The following MEIS1 variants were observed in gnomAD, a reference collection of about 807,000 sequenced individuals.
MEIS1 encodes the protein Meis homeobox 1.
MEIS1 carries 5 observed loss-of-function variants against 50.8 expected under a neutral mutation model. The observed-to-expected ratio is 0.10, with a 90% CI of 0.05 to 0.21. The LOEUF (loss-of-function observed/expected upper bound fraction) is 0.21. MEIS1 is among the 10% of genes least tolerant of loss of function. The pLI is 1.00. For missense variants in MEIS1, 318 were observed against 517.3 expected (o/e 0.61, Z 3.74); for synonymous variants, 176 against 179.3 (o/e 0.98, Z 0.15).
intron 6 of MEIS1, among the ~76,000 whole-genome samples, chr2:66,456,834 C>T (rs1174430529): frequency 6.6e-6 from 1 of 152,174 alleles, no homozygotes; most frequent in Non-Finnish European, 1.5e-5. Flanking sequence ...GCCTCAGGCA[C>T]CTACCACTAT....
intron 8 of MEIS1, among the ~76,000 whole-genome samples, chr2:66,538,682 C>T (rs1294976878): frequency 2.6e-5 from 4 of 152,110 alleles, no homozygotes; most frequent in Admixed American, 2.0e-4. Context: ...TATTAGTAGT[C>T]TACTAAAATG....
chr2:66,461,304 G>A (rs968338484), intron 6 of MEIS1, among the ~76,000 whole-genome samples: 1 of 152,148 alleles, frequency 6.6e-6, no homozygotes, highest in African/African-American at 2.4e-5. Context: ...GATTTGGGGG[G>A]AGTTCGTTCT....
intron 8 of MEIS1, among the ~76,000 whole-genome samples, chr2:66,528,388 A>T (rs1356445326): frequency 1.3e-5 from 2 of 152,120 alleles, no homozygotes; most frequent in Non-Finnish European, 2.9e-5. Flanking sequence ...CAAGGAAGGT[A>T]CAGTGGTAAG....
At chr2:66,549,743 G>A (rs1336631744) in intron 9 of MEIS1, among the ~76,000 whole-genome samples, 1 of 152,064 alleles carries the variant, frequency 6.6e-6, no homozygotes, top group Non-Finnish European at 1.5e-5. Flanking sequence ...AACGAAAAGC[G>A]CTGTCATTCA....
intron 7 of MEIS1, among the ~76,000 whole-genome samples, chr2:66,511,363 A>C (rs1673825936): frequency 6.6e-6 from 1 of 152,302 alleles, no homozygotes; most frequent in East Asian, 1.9e-4. Flanking sequence ...AAATCAATAG[A>C]AAAATAGGAT....
chr2:66,448,782 G>A (rs1339197625), intron 6 of MEIS1, among the ~76,000 whole-genome samples: 1 of 152,016 alleles, frequency 6.6e-6, no homozygotes, highest in Non-Finnish European at 1.5e-5. Flanking sequence ...GGACTAGCAG[G>A]GAAATGATCA....
chr2:66,446,619 G>T (rs1672154635), intron 6 of MEIS1, among the ~76,000 whole-genome samples: 1 of 152,220 alleles, frequency 6.6e-6, no homozygotes, highest in Non-Finnish European at 1.5e-5. Context: ...GCATTTAGCA[G>T]CTCCTGGGCG....
chr2:66,437,608 A>T, intron 1 of MEIS1, 129 bp from the exon 2 acceptor site: 2 of 761,252 alleles, frequency 2.6e-6, no homozygotes, highest in Non-Finnish European at 4.6e-6. Flanking sequence ...AGCTTTATAG[A>T]TGCAAGGCCA....
chr2:66,529,584 A>G (rs1298672111), intron 8 of MEIS1, among the ~76,000 whole-genome samples: 1 of 152,168 alleles, frequency 6.6e-6, no homozygotes, highest in Non-Finnish European at 1.5e-5. Flanking sequence ...CTGTAGGCAC[A>G]TGCCACCACA....
chr2:66,541,517 T>C (rs1228070162), intron 8 of MEIS1, among the ~76,000 whole-genome samples: 3 of 152,238 alleles, frequency 2.0e-5, no homozygotes, highest in Non-Finnish European at 4.4e-5. Flanking sequence ...GATTCCTACC[T>C]GACACCTCCA....
intron 6 of MEIS1, among the ~76,000 whole-genome samples, chr2:66,448,038 C>T (rs984817379): frequency 6.6e-6 from 1 of 152,098 alleles, no homozygotes; most frequent in Non-Finnish European, 1.5e-5. Flanking sequence ...GCTCACCATT[C>T]TGAAATATAT....
intron 7 of MEIS1, among the ~76,000 whole-genome samples, chr2:66,468,610 C>G (rs762955198): frequency 2.8e-4 from 43 of 152,184 alleles, no homozygotes; most frequent in Non-Finnish European, 5.1e-4. Flanking sequence ...CGCAGTCTGA[C>G]TCTAGAGCCC....
chr2:66,503,946 CTT>C (rs1160414849), intron 7 of MEIS1, among the ~76,000 whole-genome samples: 1 of 151,784 alleles, frequency 6.6e-6, no homozygotes, highest in East Asian at 2.0e-4. Context: ...GGTGTTTCAC[CTT>C]GTTAGCCAGG....
intron 7 of MEIS1, among the ~76,000 whole-genome samples, chr2:66,510,849 A>G (rs901726542): frequency 6.6e-6 from 1 of 152,212 alleles, no homozygotes; most frequent in Non-Finnish European, 1.5e-5. Context: ...TTTTTTATGT[A>G]GGACCTAATA....
intron 6 of MEIS1, among the ~76,000 whole-genome samples, chr2:66,447,104 T>C (rs577867111): frequency 6.6e-6 from 1 of 152,174 alleles, no homozygotes; most frequent in Non-Finnish European, 1.5e-5. Flanking sequence ...CAACCTAATG[T>C]CCTGCATGGA....
intron 9 of MEIS1, among the ~76,000 whole-genome samples, chr2:66,563,538 G>C (rs1675269297): frequency 6.6e-6 from 1 of 152,122 alleles, no homozygotes; most frequent in African/African-American, 2.4e-5. Flanking sequence ...CATATGTACA[G>C]TTCTTTTTTT....
Position 66,435,344 on chromosome 2 carries a change from A to C in MEIS1, c.-513A>C. The C allele has an allele frequency of 5.8e-6, 1 of 171,002 alleles. No homozygotes were observed. The highest frequency in any genetic ancestry group is 1.2e-5 in the Non-Finnish European group (1 of 80,976). 10.6% of individuals were successfully genotyped at this position (171,002 alleles called of 1,614,324 possible). A position where few individuals can be genotyped will look rare whatever the true frequency, so the allele number is the denominator to read the frequency against. ...GAGAGAAGAGAGAAACTGATTAGGAATTAGGACTGATTCAAGGGAAGCGAG... is the reference window on the plus strand; with the variant it reads ...GAGAGAAGAGAGAAACTGATTAGGACTTAGGACTGATTCAAGGGAAGCGAG... On this transcript the variant is annotated 5_prime_UTR_variant, in exon 1 of 13. Coordinates refer to ENST00000272369, the MANE Select transcript of MEIS1 (RefSeq NM_002398.3).
intron 7 of MEIS1, among the ~76,000 whole-genome samples, chr2:66,500,264 T>G (rs1673518378): frequency 6.6e-6 from 1 of 152,214 alleles, no homozygotes; most frequent in Non-Finnish European, 1.5e-5. Flanking sequence ...TAACAGTCAC[T>G]AATGCTGAAA....
intron 8 of MEIS1, among the ~76,000 whole-genome samples, chr2:66,514,376 G>T (rs547124008): frequency 1.3e-5 from 2 of 152,236 alleles, no homozygotes; most frequent in African/African-American, 4.8e-5. Flanking sequence ...CTTTCTAACA[G>T]CCCGCATGAT....
Sources: gnomAD v4.1 joint callset for allele counts (sites outside exome capture counted in the v4.1 genomes callset) on GRCh38, gnomAD v4.1.1 for gene constraint, MANE v1.5 for transcripts, NCBI Gene and HGNC (gene_info 2026-07-23, HGNC 2026-07-21) for gene names.